Variants in TM9SF2 observed in about 807,000 individuals in gnomAD.
The protein encoded by TM9SF2 is 76 kDa membrane protein.
A neutral mutation model predicts 84.9 loss-of-function variants in TM9SF2; 13 were observed. The ratio of observed to expected loss-of-function variants is 0.15; its 90% CI spans 0.10 to 0.24. The LOEUF (loss-of-function observed/expected upper bound fraction) is 0.24, where lower values mean the gene tolerates loss of function less well. TM9SF2 is among the 10% of genes least tolerant of loss of function. TM9SF2 has a pLI of 1.00. For missense variants in TM9SF2, 562 were observed against 818.5 expected, an observed-to-expected ratio of 0.69 and a Z score of 3.82; for synonymous variants, 273 against 285.8, an observed-to-expected ratio of 0.96 and a Z score of 0.45.
At chr13:99,543,500 A>G (rs780867988) in intron 9 of TM9SF2, among the ~76,000 whole-genome samples, 13 of 152,214 alleles carry the variant, frequency 8.5e-5, no homozygotes, top group Non-Finnish European at 1.8e-4. Context: ...CTTATTGTGG[A>G]GATCATTAAG....
chr13:99,513,318 A>G (rs2046121069), intron 1 of TM9SF2, among the ~76,000 whole-genome samples: 1 of 152,208 alleles, frequency 6.6e-6, no homozygotes, highest in Admixed American at 6.5e-5. Context: ...GGCATGATCA[A>G]GGAGATAGGT....
chr13:99,541,729 AAG>A, intron 9 of TM9SF2, 62 bp downstream of exon 9: 2 of 1,072,824 alleles, frequency 1.9e-6, no homozygotes, highest in Non-Finnish European at 2.7e-6. Flanking sequence ...ATTTTGCAAA[AAG>A]GTAAAATAAT....
rs2046285775 is a variant in TM9SF2 at position 99,547,047 on chromosome 13, G to C, written c.1213G>C (p.Val405Leu). Residue 405 changes from valine to leucine, a missense_variant, in exon 11 of 17, where the codon GTC (valine) becomes CTC (leucine). Physicochemically the swap from Val to Leu is conservative, Grantham distance 32. Around this residue, in one of 4 missense-constraint regions of TM9SF2, gnomAD observed 219 missense variants for 338.1 expected, o/e 0.65. Transcript: ENST00000376387. ...NRGALMTCAV[V>L]LWVLLGTPAG... ...AGGAGCGCTGATGACGTGTGCTGTGGTCCTGTGGGTGCTGCTGGGCACCCC... is the reference window on the plus strand; with the variant it reads ...AGGAGCGCTGATGACGTGTGCTGTGCTCCTGTGGGTGCTGCTGGGCACCCC... 1 of 1,614,074 alleles carries C rather than the reference G, an allele frequency of 6.2e-7. No homozygotes were observed. The highest frequency in any genetic ancestry group is 8.5e-7 in the Non-Finnish European group (1 of 1,180,038).
intron 4 of TM9SF2, among the ~76,000 whole-genome samples, chr13:99,532,137 C>T (rs3915667): frequency 0.49 from 74,542 of 150,968 alleles, 19,938 homozygotes; most frequent in East Asian, 0.68. Context: ...CTGCAAGCTC[C>T]GCCTCCCGGG....
At chr13:99,504,706 A>G (rs2046081276) in intron 1 of TM9SF2, among the ~76,000 whole-genome samples, 1 of 152,208 alleles carries the variant, frequency 6.6e-6, no homozygotes, top group African/African-American at 2.4e-5. Flanking sequence ...ATATTGCTGT[A>G]ACTTCTGATT....
At chr13:99,559,600 TTGTC>T in intron 16 of TM9SF2, 66 bp downstream of exon 16, 1 of 1,422,472 alleles carries the variant, frequency 7.0e-7, no homozygotes, top group Non-Finnish European at 9.4e-7. Context: ...TTATAAATGT[TTGTC>T]TTTTTTAAAA....
intron 16 of TM9SF2, among the ~76,000 whole-genome samples, chr13:99,560,624 C>T (rs1033002729): frequency 5.3e-5 from 8 of 152,206 alleles, no homozygotes; most frequent in African/African-American, 1.9e-4. Flanking sequence ...TTTTTCCAGA[C>T]ATATGATACA....
At chr13:99,560,853 T>A (rs1169572782) in intron 16 of TM9SF2, among the ~76,000 whole-genome samples, 1 of 151,878 alleles carries the variant, frequency 6.6e-6, no homozygotes, top group Non-Finnish European at 1.5e-5. Flanking sequence ...GGCTAATTTT[T>A]TTTATTTTTA....
At chr13:99,513,938 A>G (rs1275266972) in intron 1 of TM9SF2, among the ~76,000 whole-genome samples, 1 of 152,188 alleles carries the variant, frequency 6.6e-6, no homozygotes, top group South Asian at 2.1e-4. Flanking sequence ...GGCCCTTTAC[A>G]GGAAAAGTTT....
intron 3 of TM9SF2, among the ~76,000 whole-genome samples, chr13:99,522,265 C>T (rs2046164179): frequency 6.6e-6 from 1 of 152,204 alleles, no homozygotes; most frequent in African/African-American, 2.4e-5. Context: ...AGGTGATCTG[C>T]CTGTCTCGAC....
chr13:99,559,457 A>G lies in TM9SF2; in HGVS notation c.1847A>G (p.Gln616Arg). 1 of 1,614,126 alleles carries G rather than the reference A, an allele frequency of 6.2e-7. No homozygotes were observed. The highest frequency in any genetic ancestry group is 1.3e-5 in the African/African-American group (1 of 75,062). Residue 616 changes from glutamine (Q) to arginine (R), a missense_variant, in exon 16 of 17, where the codon CAG (glutamine) becomes CGG (arginine). Gln to Arg is a conservative substitution (Grantham distance 43, BLOSUM62 1). Coordinates refer to ENST00000376387, the MANE Select transcript of TM9SF2 (RefSeq NM_004800.3). ...YAVHYFFSKL[Q>R]ITGTASTILY... ...GTACACTACTTCTTTTCAAAACTGC[A>G]GATCACGGGAACAGCAAGCACAATT...
chr13:99,518,289 T>G (rs1394668613), intron 2 of TM9SF2, among the ~76,000 whole-genome samples: 1 of 152,182 alleles, frequency 6.6e-6, no homozygotes, highest in Non-Finnish European at 1.5e-5. Context: ...GTTTTGTATT[T>G]TTGGTAGAGA....
chr13:99,547,356 C>T (rs2046287150), intron 11 of TM9SF2, among the ~76,000 whole-genome samples: 1 of 152,040 alleles, frequency 6.6e-6, no homozygotes, highest in Non-Finnish European at 1.5e-5. Context: ...CTCTTTTTTT[C>T]TTTAAGCTTT....
chr13:99,511,062 A>G (rs1006912800), intron 1 of TM9SF2, among the ~76,000 whole-genome samples: 1 of 152,018 alleles, frequency 6.6e-6, no homozygotes, highest in Admixed American at 6.6e-5. Context: ...TTTCCACCCT[A>G]AATTTTACTT....
chr13:99,538,060 C>T (rs528018020), intron 6 of TM9SF2, among the ~76,000 whole-genome samples, 197 bp downstream of exon 6: 5 of 152,268 alleles, frequency 3.3e-5, no homozygotes, highest in African/African-American at 1.2e-4. Flanking sequence ...TCATGATAAG[C>T]GGTCAAGCCA....
intron 1 of TM9SF2, among the ~76,000 whole-genome samples, chr13:99,515,736 T>TG (rs1369830782): frequency 2.1e-5 from 3 of 143,120 alleles, no homozygotes; most frequent in Non-Finnish European, 4.5e-5. Context: ...AAATACTGGT[T>TG]TTTTTTTTTT....
intron 5 of TM9SF2, among the ~76,000 whole-genome samples, chr13:99,537,049 C>CA (rs1566569248): frequency 6.6e-6 from 1 of 151,882 alleles, no homozygotes. Context: ...AGTAGAGTGT[C>CA]AAAAAAGGCT....
chr13:99,554,567 G>A (rs1235381067), intron 14 of TM9SF2, 112 bp downstream of exon 14: 2 of 1,184,690 alleles, frequency 1.7e-6, no homozygotes, highest in Admixed American at 3.1e-5. Context: ...CAGTTCTTCA[G>A]TAACCAGAAA....
At chr13:99,505,504 CT>C (rs2046085318) in intron 1 of TM9SF2, among the ~76,000 whole-genome samples, 1 of 152,098 alleles carries the variant, frequency 6.6e-6, no homozygotes, top group African/African-American at 2.4e-5. Flanking sequence ...ATTTCTGTGT[CT>C]TTTAATATTT....
Sources: allele counts gnomAD v4.1 joint callset (sites outside exome capture counted in the v4.1 genomes callset), GRCh38; gene constraint gnomAD v4.1.1; regional missense constraint gnomAD v4.1.1; transcripts MANE v1.5; gene names NCBI Gene and HGNC (gene_info 2026-07-23, HGNC 2026-07-21).